The following PCNP variants were observed in gnomAD, a reference collection of about 807,000 sequenced individuals.
The protein encoded by PCNP is PEST proteolytic signal containing nuclear protein, also known as PEST proteolytic signal-containing nuclear protein.
Under a neutral mutation model 21.8 loss-of-function variants are expected in PCNP, and 6 were observed. That is an observed-to-expected ratio of 0.28 (90% CI 0.15 to 0.54). The LOEUF is 0.54. Ranked by LOEUF, PCNP falls within the 20% of genes least tolerant of loss-of-function variation. PCNP has a pLI of 0.95. For missense variants in PCNP, 161 were observed against 215.5 expected, an observed-to-expected ratio of 0.75 and a Z score of 1.58; for synonymous variants, 67 against 73.2, an observed-to-expected ratio of 0.92 and a Z score of 0.43.
intron 1 of PCNP, chr3:101,576,994 T>G: frequency 1.1e-6 from 1 of 875,032 alleles, no homozygotes; most frequent in Non-Finnish European, 2.0e-6. Context: ...GGAGGAGCAA[T>G]TTTTGTATTT....
At chr3:101,576,244 C>CT (rs35289041) in intron 1 of PCNP, among the ~76,000 whole-genome samples, 20,525 of 136,162 alleles carry the variant, frequency 0.15, 1,837 homozygotes, top group Middle Eastern at 0.17. Context: ...GAATGGTTTC[C>CT]TTTTTTTTTT....
chr3:101,586,989 C>T (rs2108287410), intron 3 of PCNP, among the ~76,000 whole-genome samples: 1 of 152,304 alleles, frequency 6.6e-6, no homozygotes, highest in African/African-American at 2.4e-5. Flanking sequence ...CGCAGTGGCT[C>T]ATGGCTGTAA....
At chr3:101,575,644 A>G (rs1166709050) in intron 1 of PCNP, among the ~76,000 whole-genome samples, 2 of 152,192 alleles carry the variant, frequency 1.3e-5, no homozygotes, top group East Asian at 3.8e-4. Context: ...AAAGCAAAAA[A>G]TTTTAGACGT....
chr3:101,586,190 AAAAAAAAT>A (rs1434402914), intron 3 of PCNP, among the ~76,000 whole-genome samples: 5 of 140,640 alleles, frequency 3.6e-5, no homozygotes, highest in African/African-American at 1.0e-4. Context: ...AAAAAAAAAA[AAAAAAAAT>A]GTCAACTATT....
intron 4 of PCNP, among the ~76,000 whole-genome samples, chr3:101,591,086 C>G (rs1049626303): frequency 2.0e-5 from 3 of 152,140 alleles, no homozygotes; most frequent in Admixed American, 2.0e-4. Context: ...ACTTCACTTA[C>G]GATATAATTT....
intron 1 of PCNP, among the ~76,000 whole-genome samples, chr3:101,578,295 C>T (rs1247022873): frequency 1.3e-5 from 2 of 152,122 alleles, no homozygotes; most frequent in African/African-American, 2.4e-5. Context: ...ATAAAATTAG[C>T]GTAAGTGCTT....
At chr3:101,580,151 C>T in intron 2 of PCNP, 147 bp downstream of exon 2, 1 of 634,398 alleles carries the variant, frequency 1.6e-6, no homozygotes, top group Non-Finnish European at 2.8e-6. Flanking sequence ...AGATGATTAG[C>T]ACCCTGTTTA....
chr3:101,588,445 G>A (rs190347810), intron 3 of PCNP, among the ~76,000 whole-genome samples: 1 of 151,092 alleles, frequency 6.6e-6, no homozygotes, highest in Non-Finnish European at 1.5e-5. Context: ...TAATATAACA[G>A]TAATAAAGGA....
chr3:101,577,964 T>A (rs1399779710), intron 1 of PCNP, among the ~76,000 whole-genome samples: 3 of 152,240 alleles, frequency 2.0e-5, no homozygotes, highest in Admixed American at 6.5e-5. Context: ...TTGCTCAGAG[T>A]ACAAATTAGA....
At chr3:101,574,106 C>T (rs893351043), upstream of PCNP, 3 of 1,440,698 alleles carry the variant, frequency 2.1e-6, no homozygotes, top group African/African-American at 1.5e-5. Context: ...TTTCATTCCT[C>T]GGGACCGCTC....
At chr3:101,588,439 A>G (rs983096314) in intron 3 of PCNP, among the ~76,000 whole-genome samples, 1 of 151,756 alleles carries the variant, frequency 6.6e-6, no homozygotes, top group Admixed American at 6.6e-5. Flanking sequence ...CTCCTATAAT[A>G]TAACAGTAAT....
chr3:101,576,554 G>A lies in PCNP; in HGVS notation c.64+2275G>A, dbSNP rs1040816060. On this transcript the variant is annotated intron_variant, in intron 1 of 4. Coordinates refer to ENST00000265260, the MANE Select transcript of PCNP (RefSeq NM_020357.3). ...CCAGTGGTCTTGGTGTGCTGGCCTCGGACACGAAGGCCCCAGAAGTGACGC... is the reference window on the plus strand; with the variant it reads ...CCAGTGGTCTTGGTGTGCTGGCCTCAGACACGAAGGCCCCAGAAGTGACGC... The A allele has an allele frequency of 3.7e-6, 6 of 1,610,628 alleles. No individual in the cohort carries two copies. The African/African-American group carries it at 4.0e-5, about 11-fold the overall frequency.
rs1173180299 is a variant in PCNP at position 101,592,783 on chromosome 3, G to T, written c.*30G>T. On this transcript the variant is annotated 3_prime_UTR_variant, in exon 5 of 5. Coordinates refer to ENST00000265260, the MANE Select transcript of PCNP (RefSeq NM_020357.3). ...TGTTTTGAAATTGGGGTGTGGGGTG[G>T]GTGTAAAGTTAAAAGGAACAGTTTC... is the stretch of plus-strand genomic sequence containing the variant. 5.0e-6 allele frequency: 8 copies of T among 1,595,518 alleles called. No individual in the cohort carries two copies. The highest frequency in any genetic ancestry group is 6.8e-6 in the Non-Finnish European group (8 of 1,171,298).
chr3:101,582,834 G>A (rs1935295965), intron 2 of PCNP, among the ~76,000 whole-genome samples: 1 of 152,230 alleles, frequency 6.6e-6, no homozygotes, highest in South Asian at 2.1e-4. Context: ...AAGATGTGAA[G>A]CCATATAGTA....
At chr3:101,582,518 A>AT (rs1470963229) in intron 2 of PCNP, among the ~76,000 whole-genome samples, 1 of 152,198 alleles carries the variant, frequency 6.6e-6, no homozygotes, top group Non-Finnish European at 1.5e-5. Context: ...TTAAAAAAAA[A>AT]TTGAAATTGC....
Position 101,594,031 on chromosome 3 carries a change from ACTC to A in PCNP, c.*1281_*1283del, listed in dbSNP as rs1252697950. The A allele has an allele frequency of 6.6e-6, 1 of 152,030 alleles. No individual in the cohort carries two copies. The highest frequency in any genetic ancestry group is 1.5e-5 in the Non-Finnish European group (1 of 67,912). The allele number at this position is 152,030 out of a possible 1,614,324, so 9.4% of individuals were successfully genotyped here. A position where few individuals can be genotyped will look rare whatever the true frequency, so the allele number is the denominator to read the frequency against. ...ATACAGTATAAAAATTTCCTTGAAAACTCCTACAATATTATATTTGGAGGCAGC... is the reference window on the plus strand; with the variant it reads ...ATACAGTATAAAAATTTCCTTGAAAACTACAATATTATATTTGGAGGCAGC... On this transcript the variant is annotated 3_prime_UTR_variant, in exon 5 of 5. Transcript: ENST00000265260.
At chr3:101,579,549 CTG>C (rs910157530) in intron 1 of PCNP, 1 of 646,496 alleles carries the variant, frequency 1.5e-6, no homozygotes, top group African/African-American at 1.8e-5. Flanking sequence ...TTTGTGAACT[CTG>C]TGTTTATAAT....
chr3:101,583,842 T>C (rs1193827358), intron 2 of PCNP, among the ~76,000 whole-genome samples: 2 of 119,952 alleles, frequency 1.7e-5, no homozygotes, highest in East Asian at 2.6e-4. Context: ...TTTTTTTTTT[T>C]AGTAGAGAGA....
chr3:101,576,947 TGGC>T (rs779286104), intron 1 of PCNP: 5 of 1,442,834 alleles, frequency 3.5e-6, no homozygotes, highest in South Asian at 1.1e-5. Context: ...ACTAGCGACA[TGGC>T]GGCAGCACAA....
Sources: allele counts gnomAD v4.1 joint callset (sites outside exome capture counted in the v4.1 genomes callset), GRCh38; gene constraint gnomAD v4.1.1; transcripts MANE v1.5; gene names NCBI Gene and HGNC (gene_info 2026-07-23, HGNC 2026-07-21).